Variants in TOP3A observed in about 807,000 individuals in gnomAD.
TOP3A encodes DNA topoisomerase III alpha, also known as DNA topoisomerase 3-alpha.
TOP3A carries 64 observed loss-of-function variants against 111.3 expected under a neutral mutation model. The ratio of observed to expected loss-of-function variants is 0.57; its 90% confidence interval spans 0.47 to 0.71. The LOEUF is 0.71. Ranked by LOEUF, TOP3A falls within the 30% of genes least tolerant of loss-of-function variation. TOP3A has a pLI of 0.00. For synonymous variants in TOP3A, 484 were observed against 485.1 expected (o/e 1.00, Z 0.03); for missense variants, 1,104 against 1,285.0 (o/e 0.86, Z 2.15).
intron 15 of TOP3A, among the ~76,000 whole-genome samples, chr17:18,283,283 C>A (rs1979883702): frequency 1.3e-5 from 2 of 151,920 alleles, no homozygotes; most frequent in Admixed American, 1.3e-4. Context: ...GCAGGAGAAT[C>A]GCTTGAACCC....
intron 11 of TOP3A, among the ~76,000 whole-genome samples, chr17:18,291,961 CT>C (rs1487269933): frequency 6.6e-6 from 1 of 152,184 alleles, no homozygotes; most frequent in African/African-American, 2.4e-5. Flanking sequence ...ATCTACCCGC[CT>C]TGTCCTCCCA....
chr17:18,314,760 G>C lies in TOP3A; in HGVS notation c.19C>G (p.Arg7Gly). MIFPVA[R>G]YALRWLRRPE... ...CGTCGCAGCCACCGGAGCGCGTAGC[G>C]GGCGACAGGAAAGATCATCCTCAGA... Residue 7 changes from arginine (R) to glycine (G), a missense_variant, in exon 1 of 19, where the codon CGC (arginine) becomes GGC (glycine). Arg to Gly is a moderately radical substitution (Grantham distance 125). Coordinates refer to ENST00000321105, the MANE Select transcript of TOP3A (RefSeq NM_004618.5). The C allele has an allele frequency of 6.4e-7, 1 of 1,555,566 alleles. No individual in the cohort carries two copies. The highest frequency in any genetic ancestry group is 8.7e-7 in the Non-Finnish European group (1 of 1,150,100).
chr17:18,291,840 G>C (rs1218809786), intron 11 of TOP3A, among the ~76,000 whole-genome samples: 1 of 151,948 alleles, frequency 6.6e-6, no homozygotes, highest in Non-Finnish European at 1.5e-5. Flanking sequence ...TCAGCCTCCT[G>C]AGAGTTGGGA....
At chr17:18,308,967 T>C in intron 1 of TOP3A, 26 bp from the exon 2 acceptor site, 1 of 1,254,134 alleles carries the variant, frequency 8.0e-7, no homozygotes, top group South Asian at 1.5e-5. Context: ...AAGTAAAAAA[T>C]ATAAATTACG....
intron 5 of TOP3A, 57 bp downstream of exon 5, chr17:18,305,055 A>G (rs1735419177): frequency 6.9e-6 from 10 of 1,439,128 alleles, no homozygotes; most frequent in Non-Finnish European, 9.8e-6. Context: ...ATAAACAAGA[A>G]CACTCTATTT....
chr17:18,292,131 G>A (rs1317326261), intron 11 of TOP3A, among the ~76,000 whole-genome samples: 1 of 152,242 alleles, frequency 6.6e-6, no homozygotes, highest in Non-Finnish European at 1.5e-5. Flanking sequence ...CCCCAACTTT[G>A]TGAGAAGCCT....
intron 1 of TOP3A, 113 bp from the exon 2 acceptor site, chr17:18,309,054 A>G (rs915694277): frequency 3.6e-6 from 2 of 557,358 alleles, no homozygotes; most frequent in Non-Finnish European, 6.1e-6. Context: ...TGATACCAAA[A>G]ATATAACCAA....
intron 13 of TOP3A, among the ~76,000 whole-genome samples, chr17:18,290,077 T>C (rs1319471394): frequency 6.6e-6 from 1 of 152,210 alleles, no homozygotes; most frequent in African/African-American, 2.4e-5. Context: ...GAGTGAGCAG[T>C]GTGGGTTCAG....
At position 18,299,478 on chromosome 17, in the gene TOP3A, G is replaced by GAAAATATCTAGGCAGTAGAA. The variant is rs1244656565; in HGVS notation, c.990+80_990+81insTTCTACTGCCTAGATATTTT. ...GATGGGTGATATTTTCTTCCACCAA[G>GAAAATATCTAGGCAGTAGAA]CCACAGTCTAGGCGGTAGAACCACA... On this transcript the variant is annotated intron_variant, in intron 9 of 18. Transcript: ENST00000321105. 3.1e-6 allele frequency: 4 copies of GAAAATATCTAGGCAGTAGAA among 1,291,274 alleles called. No individual in the cohort carries two copies. The African/African-American group carries it at 4.4e-5, about 14-fold the overall frequency. 80.0% of individuals were successfully genotyped at this position (1,291,274 alleles called of 1,614,324 possible). A position where few individuals can be genotyped will look rare whatever the true frequency, so the allele number is the denominator to read the frequency against.
chr17:18,283,482 TA>T (rs1236587688), intron 15 of TOP3A, among the ~76,000 whole-genome samples: 4 of 152,134 alleles, frequency 2.6e-5, no homozygotes, highest in Non-Finnish European at 5.9e-5. Flanking sequence ...TGGGGTACTC[TA>T]AAGAACAGAA....
At chr17:18,277,306 T>C (rs1011346610) in intron 18 of TOP3A, among the ~76,000 whole-genome samples, 1 of 152,180 alleles carries the variant, frequency 6.6e-6, no homozygotes, top group Admixed American at 6.5e-5. Flanking sequence ...CTGGTGTCTG[T>C]TGCTATGGGA....
In TOP3A at chr17:18,294,725, C is replaced by T. The variant is rs759500573; in HGVS notation, c.1051G>A (p.Ala351Thr). The part of the protein sequence containing the change: ...RINAKETMRI[A>T]EKLYTQGYIS... ...TACCCTTGAGTGTAGAGCTTCTCAGCAATCCTCATGGTTTCTTTAGCATTT... is the reference window on the plus strand; with the variant it reads ...TACCCTTGAGTGTAGAGCTTCTCAGTAATCCTCATGGTTTCTTTAGCATTT... Residue 351 changes from alanine (A) to threonine (T), a missense_variant, in exon 10 of 19, where the codon GCT becomes ACT. Physicochemically the swap from Ala to Thr is moderately conservative, Grantham distance 58 (BLOSUM62 0). Coordinates refer to ENST00000321105, the MANE Select transcript of TOP3A (RefSeq NM_004618.5). 11 of 1,613,212 alleles carry T rather than the reference C, an allele frequency of 6.8e-6. No individual in the cohort carries two copies. The highest frequency in any genetic ancestry group is 1.3e-5 in the African/African-American group (1 of 74,744).
chr17:18,314,450 G>A lies in TOP3A; in HGVS notation c.180+149C>T, dbSNP rs1011473617. ...ATGCACTCCAGTCCGAGAGCAGACA[G>A]GAGGCCACTGCAATAATCCAGACGA... On this transcript the variant is annotated intron_variant, in intron 1 of 18. Transcript: ENST00000321105. 9 of 785,952 alleles carry A rather than the reference G, an allele frequency of 1.1e-5. No homozygotes were observed. The African/African-American group carries it at 1.3e-4, about 11-fold the overall frequency. The allele number at this position is 785,952 out of a possible 1,614,324, so 48.7% of individuals were successfully genotyped here. A position where few individuals can be genotyped will look rare whatever the true frequency, so the allele number is the denominator to read the frequency against.
rs780397248 is a variant in TOP3A, at chr17:18,280,563, G to C, written c.2117C>G (p.Pro706Arg). 1.2e-6 allele frequency: 2 copies of C among 1,613,680 alleles called. No homozygotes were observed. The highest frequency in any genetic ancestry group is 1.7e-6 in the Non-Finnish European group (2 of 1,179,828). The change falls in exon 17 of 19, where the codon CCA becomes CGA. Residue 706 changes from proline to arginine, a missense_variant. Pro to Arg is a moderately radical substitution (Grantham distance 103, BLOSUM62 -2). Transcript: ENST00000321105. Reference protein sequence around the residue: ...LEASRDSSVCPVCQPHPVYRL... With the variant: ...LEASRDSSVCRVCQPHPVYRL... ...GTACACAGGGTGTGGCTGACAAACT[G>C]GACACACACTGCTGTCCCTGCTGGC...
At chr17:18,289,022 G>GT (rs961175538) in intron 13 of TOP3A, among the ~76,000 whole-genome samples, 6 of 151,886 alleles carry the variant, frequency 4.0e-5, no homozygotes, top group African/African-American at 7.2e-5. Flanking sequence ...TTGTAGAAAT[G>GT]TTTTTTTTGA....
chr17:18,302,215 A>G lies in TOP3A; in HGVS notation c.814+49T>C, dbSNP rs371016911. On this transcript the variant is annotated intron_variant, in intron 7 of 18. Coordinates refer to ENST00000321105, the MANE Select transcript of TOP3A (RefSeq NM_004618.5). ...ATTAATGCTCACAGTCCCCCTCCTT[A>G]ACCTTGAGCCCATAGGTCCCAGGCC... 2.6e-6 allele frequency: 4 copies of G among 1,554,258 alleles called. No individual in the cohort carries two copies. In the African/African-American group the frequency reaches 5.5e-5, roughly 21 times the overall value.
chr17:18,305,124 C>A lies in TOP3A; in HGVS notation c.487G>T (p.Val163Leu), dbSNP rs374761934. The part of the protein sequence containing the change: ...GENIGFEIIH[V>L]CKAVKPNLQV... ...CAGCAGCACTTACCAGCCTTACACACGTGGATAATCTCAAACCCGATGTTT... is the reference window on the plus strand; with the variant it reads ...CAGCAGCACTTACCAGCCTTACACAAGTGGATAATCTCAAACCCGATGTTT... The change falls in exon 5 of 19, where the codon GTG (valine) becomes TTG (leucine). Residue 163 changes from valine (V) to leucine (L), a missense_variant. Coordinates refer to ENST00000321105, the MANE Select transcript of TOP3A (RefSeq NM_004618.5). 29 of 1,613,784 alleles carry A rather than the reference C, an allele frequency of 1.8e-5. No individual in the cohort carries two copies. Among genetic ancestry groups the A allele is most frequent in the Non-Finnish European group, 2.3e-5 (27 of 1,179,790 alleles).
intron 12 of TOP3A, 55 bp downstream of exon 12, chr17:18,290,787 C>A (rs1184058324): frequency 6.3e-7 from 1 of 1,598,104 alleles, no homozygotes; most frequent in Non-Finnish European, 8.6e-7. Flanking sequence ...CACTAGAGAA[C>A]TCAGGGCTCA....
At chr17:18,304,457 A>T (rs1023331597) in intron 5 of TOP3A, among the ~76,000 whole-genome samples, 3 of 152,212 alleles carry the variant, frequency 2.0e-5, no homozygotes, top group Non-Finnish European at 4.4e-5. Flanking sequence ...AAACCACTAA[A>T]GGAAAGTAGC....
Sources: allele counts gnomAD v4.1 joint callset (sites outside exome capture counted in the v4.1 genomes callset), GRCh38; gene constraint gnomAD v4.1.1; transcripts MANE v1.5; gene names NCBI Gene and HGNC (gene_info 2026-07-23, HGNC 2026-07-21).